Variants in VAV3 observed in about 807,000 individuals in gnomAD.
VAV3 encodes the protein vav guanine nucleotide exchange factor 3.
Under a neutral mutation model 131.2 loss-of-function variants are expected in VAV3, and 94 were observed. The observed-to-expected ratio is 0.72, with a 90% confidence interval of 0.61 to 0.85. The LOEUF (loss-of-function observed/expected upper bound fraction) is 0.85. Among genes scored for constraint, VAV3 ranks in the 40% least tolerant of loss-of-function variants. The pLI, the probability that VAV3 is intolerant of heterozygous loss-of-function variation, is 0.00. For synonymous variants in VAV3, 349 were observed against 342.0 expected (o/e 1.02, Z -0.22); for missense variants, 939 against 1,002.7 (o/e 0.94, Z 0.86).
At chr1:107,919,886 A>G (rs1672810036) in intron 1 of VAV3, among the ~76,000 whole-genome samples, 1 of 152,104 alleles carries the variant, frequency 6.6e-6, no homozygotes, top group Non-Finnish European at 1.5e-5. Flanking sequence ...CATAAAAAAC[A>G]TTACCTTAAT....
At chr1:107,647,280 A>G (rs1237615542) in intron 19 of VAV3, among the ~76,000 whole-genome samples, 2 of 150,852 alleles carry the variant, frequency 1.3e-5, no homozygotes, top group Non-Finnish European at 3.0e-5. Flanking sequence ...CTGAGGCCCA[A>G]TTTAAAATCT....
chr1:107,781,304 GTTA>G (rs980166124), intron 2 of VAV3, among the ~76,000 whole-genome samples: 19 of 152,128 alleles, frequency 1.2e-4, no homozygotes, highest in Non-Finnish European at 2.5e-4. Flanking sequence ...GTAAAATAAA[GTTA>G]TTATACAAAG....
At chr1:107,648,210 T>C (rs1655882383) in intron 19 of VAV3, among the ~76,000 whole-genome samples, 1 of 151,976 alleles carries the variant, frequency 6.6e-6, no homozygotes, top group Admixed American at 6.6e-5. Context: ...CTGTCACAGC[T>C]CATATAAAAA....
rs184351159 is a variant in VAV3 at position 107,846,926 on chromosome 1, T to G, written c.321+27975A>C. Among the ~76,000 whole-genome samples, 97 of 152,292 alleles carry G rather than the reference T, an allele frequency of 6.4e-4. 1 individual carries two copies. The highest frequency in any genetic ancestry group is 1.1e-3 in the Non-Finnish European group (76 of 68,024). The stretch of plus-strand genomic sequence containing the variant: ...TCAGCTCTGGACCAACTGGACCTAA[T>G]AGACATCTACAGAACTCTCCACCCT... On this transcript the variant is annotated intron_variant, in intron 2 of 26. Transcript: ENST00000370056.
intron 1 of VAV3, among the ~76,000 whole-genome samples, chr1:107,936,428 G>A (rs550661595): frequency 3.9e-5 from 6 of 152,112 alleles, no homozygotes; most frequent in African/African-American, 1.4e-4. Context: ...TTATAAACAA[G>A]AAATCTAAAA....
At chr1:107,753,537 T>TAC (rs1663902731) in intron 12 of VAV3, among the ~76,000 whole-genome samples, 8 of 90,832 alleles carry the variant, frequency 8.8e-5, no homozygotes, top group South Asian at 3.2e-4. Flanking sequence ...CGTATATATA[T>TAC]ATATATATAT....
At chr1:107,712,634 G>C (rs1384339778) in intron 15 of VAV3, among the ~76,000 whole-genome samples, 3 of 152,114 alleles carry the variant, frequency 2.0e-5, no homozygotes, top group Non-Finnish European at 4.4e-5. Context: ...TGTGATTTTT[G>C]TGGCAGTTTA....
chr1:107,616,688 G>C (rs952836875), intron 21 of VAV3, among the ~76,000 whole-genome samples: 2 of 152,130 alleles, frequency 1.3e-5, no homozygotes, highest in East Asian at 1.9e-4. Context: ...TGAATGAGTG[G>C]AGTAAATTAT....
intron 17 of VAV3, among the ~76,000 whole-genome samples, chr1:107,696,210 T>C (rs534252084): frequency 6.6e-5 from 10 of 152,320 alleles, no homozygotes; most frequent in African/African-American, 2.4e-4. Flanking sequence ...TACAGTGTGA[T>C]ATTTCAATAT....
At chr1:107,775,868 G>C (rs1365410699) in intron 4 of VAV3, among the ~76,000 whole-genome samples, 1 of 152,164 alleles carries the variant, frequency 6.6e-6, no homozygotes, top group Non-Finnish European at 1.5e-5. Flanking sequence ...ACTGCAGTGG[G>C]TGTGCTCACC....
At chr1:107,592,857 C>G (rs894901243) in intron 25 of VAV3, among the ~76,000 whole-genome samples, 1 of 152,208 alleles carries the variant, frequency 6.6e-6, no homozygotes, top group Middle Eastern at 3.4e-3. Flanking sequence ...TTCAAATATA[C>G]AAGCCCTACA....
chr1:107,798,667 C>T (rs61797410), intron 2 of VAV3, among the ~76,000 whole-genome samples: 14,702 of 141,656 alleles, frequency 0.1, 870 homozygotes, highest in Non-Finnish European at 0.13. Flanking sequence ...TGCAGTGAGC[C>T]GAGATCACGC....
At chr1:107,784,451 T>C (rs564043120) in intron 2 of VAV3, among the ~76,000 whole-genome samples, 2 of 152,242 alleles carry the variant, frequency 1.3e-5, no homozygotes, top group Non-Finnish European at 2.9e-5. Context: ...TCGCCAAAGA[T>C]CTTTTCAATT....
chr1:107,745,192 C>CA lies in VAV3; in HGVS notation c.1502+3775dup, dbSNP rs370487020. 5.9e-3 allele frequency among the ~76,000 whole-genome samples: 859 copies of CA among 145,394 alleles called. 12 individuals are homozygous for CA. Among genetic ancestry groups the CA allele is most frequent in the African/African-American group, 0.019 (765 of 39,578 alleles). On this transcript the variant is annotated intron_variant, in intron 15 of 26. Coordinates refer to ENST00000370056, the MANE Select transcript of VAV3 (RefSeq NM_006113.5). Reference sequence around the variant, plus strand: ...TGGAATTGTGAGAGACAGTTAGTGACAAAAAAAAAATAAAACCCTTTTGGA... The same window carrying CA: ...TGGAATTGTGAGAGACAGTTAGTGACAAAAAAAAAAATAAAACCCTTTTGGA...
intron 25 of VAV3, among the ~76,000 whole-genome samples, chr1:107,582,562 C>A (rs1258195888): frequency 1.7e-5 from 2 of 118,284 alleles, no homozygotes; most frequent in Non-Finnish European, 3.4e-5. Flanking sequence ...TCCCTCCCCC[C>A]TCCCCCCACC....
intron 2 of VAV3, among the ~76,000 whole-genome samples, chr1:107,856,174 T>C (rs868615877): frequency 6.6e-5 from 10 of 152,312 alleles, no homozygotes; most frequent in Middle Eastern, 3.4e-3. Flanking sequence ...AAAGCCGACA[T>C]GAAATCTGGG....
intron 19 of VAV3, among the ~76,000 whole-genome samples, chr1:107,681,827 T>C (rs972435721): frequency 2.6e-5 from 4 of 151,908 alleles, no homozygotes; most frequent in African/African-American, 4.8e-5. Context: ...CTATTTTTTT[T>C]TTGCTTGTAT....
At chr1:107,742,612 A>G (rs1212935508) in intron 15 of VAV3, among the ~76,000 whole-genome samples, 1 of 152,136 alleles carries the variant, frequency 6.6e-6, no homozygotes, top group Non-Finnish European at 1.5e-5. Context: ...CCTTACTCAC[A>G]CCAAACAAAC....
chr1:107,766,712 G>A (rs1230775092), intron 7 of VAV3, among the ~76,000 whole-genome samples, 162 bp from the exon 8 acceptor site: 1 of 152,024 alleles, frequency 6.6e-6, no homozygotes, highest in African/African-American at 2.4e-5. Context: ...GAAAAGGAGA[G>A]TGGGGAGAGA....
Sources: allele counts gnomAD v4.1 joint callset (sites outside exome capture counted in the v4.1 genomes callset), GRCh38; gene constraint gnomAD v4.1.1; transcripts MANE v1.5; gene names NCBI Gene and HGNC (gene_info 2026-07-23, HGNC 2026-07-21).